The following TLK1 variants were observed in gnomAD, a reference collection of about 807,000 sequenced individuals.
The protein encoded by TLK1 is serine/threonine-protein kinase tousled-like 1.
Under a neutral mutation model 105.3 loss-of-function variants are expected in TLK1, and 24 were observed. The observed-to-expected ratio is 0.23, with a 90% CI of 0.17 to 0.32. The LOEUF (loss-of-function observed/expected upper bound fraction) is 0.32. Among genes scored for constraint, TLK1 ranks in the 10% least tolerant of loss-of-function variants. TLK1 has a pLI of 1.00. For synonymous variants in TLK1, 321 were observed against 310.4 expected (o/e 1.03, Z -0.36); for missense variants, 558 against 910.5 (o/e 0.61, Z 4.98).
intron 2 of TLK1, among the ~76,000 whole-genome samples, chr2:171,098,634 A>G (rs761763390): frequency 1.3e-5 from 2 of 152,198 alleles, no homozygotes; most frequent in African/African-American, 2.4e-5. Context: ...TGGAAAAACA[A>G]TATTACCTGA....
chr2:171,034,816 T>C (rs781516794), intron 11 of TLK1, among the ~76,000 whole-genome samples: 1 of 152,192 alleles, frequency 6.6e-6, no homozygotes, highest in African/African-American at 2.4e-5. Flanking sequence ...TAGTCTTCCT[T>C]TGAAGAGTCC....
chr2:171,125,713 A>G (rs1192197378), intron 1 of TLK1, among the ~76,000 whole-genome samples: 1 of 152,222 alleles, frequency 6.6e-6, no homozygotes, highest in Admixed American at 6.5e-5. Flanking sequence ...CACATGTCAC[A>G]AAGAATTATT....
chr2:171,027,573 C>T (rs1685833599), intron 12 of TLK1, among the ~76,000 whole-genome samples: 1 of 152,182 alleles, frequency 6.6e-6, no homozygotes. Context: ...CGTACATCTT[C>T]TAATCGAAAC....
In TLK1 at chr2:171,215,454, G is replaced by T. The variant is rs1693696484; in HGVS notation, c.-6+15691C>A. 2.6e-5 allele frequency among the ~76,000 whole-genome samples: 4 copies of T among 152,174 alleles called. No individual in the cohort carries two copies. The South Asian group carries it at 8.3e-4, about 32-fold the overall frequency. On this transcript the variant is annotated intron_variant, in intron 1 of 20. Coordinates refer to the TLK1 transcript ENST00000521943. ...ATCAAGTCTGCATTCAGGCTCTGCT[G>T]TGGCTGGAGTTAGGTCACACTAGGC...
At chr2:171,083,663 C>T (rs77283071) in intron 2 of TLK1, among the ~76,000 whole-genome samples, 3 of 152,178 alleles carry the variant, frequency 2.0e-5, no homozygotes, top group Non-Finnish European at 4.4e-5. Flanking sequence ...TTTCACCTCA[C>T]TTGTAACAGG....
chr2:170,998,093 C>CTATCTAT (rs1559331640), intron 18 of TLK1, among the ~76,000 whole-genome samples: 116 of 35,440 alleles, frequency 3.3e-3, no homozygotes, highest in Admixed American at 5.0e-3. Context: ...TATCTATCTA[C>CTATCTAT]CTACCTACCT....
At chr2:171,206,311 T>G (rs1693505494) in intron 1 of TLK1, among the ~76,000 whole-genome samples, 1 of 152,214 alleles carries the variant, frequency 6.6e-6, no homozygotes, top group Non-Finnish European at 1.5e-5. Flanking sequence ...TGCGTTTGTC[T>G]CTATTTGATT....
rs1259293608 is a variant in TLK1, at chr2:171,045,259, C to CAA, written c.1169+914_1169+915insTT. On this transcript the variant is annotated intron_variant, in intron 11 of 20. Transcript: ENST00000431350. ...TTTTTTTTTTTTTTTGAGAAAGTCTCACTCTTGTCCCCCAGGCTAAAGTGC... is the reference window on the plus strand; with the variant it reads ...TTTTTTTTTTTTTTTGAGAAAGTCTCAAACTCTTGTCCCCCAGGCTAAAGTGC... 68 of 140,794 alleles carry CAA rather than the reference C, an allele frequency of 4.8e-4. 1 individual carries two copies. Among genetic ancestry groups the CAA allele is most frequent in the African/African-American group, 1.6e-3 (61 of 37,530 alleles). 8.7% of individuals were successfully genotyped at this position (140,794 alleles called of 1,614,324 possible).
chr2:171,022,094 C>CACAG (rs1553605664), intron 12 of TLK1, among the ~76,000 whole-genome samples: 1 of 149,796 alleles, frequency 6.7e-6, no homozygotes, highest in Non-Finnish European at 1.5e-5. Flanking sequence ...AAAACACACA[C>CACAG]ACACACACAC....
chr2:171,064,652 G>A (rs1687906625), intron 3 of TLK1, among the ~76,000 whole-genome samples: 1 of 152,118 alleles, frequency 6.6e-6, no homozygotes, highest in Non-Finnish European at 1.5e-5. Flanking sequence ...TGGCTTTGAA[G>A]TAAAGATGAA....
intron 1 of TLK1, among the ~76,000 whole-genome samples, chr2:171,208,177 T>C (rs988986250): frequency 1.3e-5 from 2 of 152,204 alleles, no homozygotes; most frequent in African/African-American, 4.8e-5. Flanking sequence ...TGGGAAAGTA[T>C]AGAAATTAGT....
At chr2:171,086,045 T>C (rs990725325) in intron 2 of TLK1, among the ~76,000 whole-genome samples, 12 of 152,218 alleles carry the variant, frequency 7.9e-5, no homozygotes, top group African/African-American at 2.9e-4. Context: ...CTGCTTCGTA[T>C]CTTCGAATTT....
intron 2 of TLK1, among the ~76,000 whole-genome samples, chr2:171,110,455 A>G (rs1020198487): frequency 2.6e-5 from 4 of 152,242 alleles, no homozygotes; most frequent in African/African-American, 9.6e-5. Context: ...GCGACAGAGC[A>G]AGACTGTCTC....
At chr2:171,103,865 A>G (rs1689802333) in intron 2 of TLK1, among the ~76,000 whole-genome samples, 2 of 152,242 alleles carry the variant, frequency 1.3e-5, no homozygotes, top group Non-Finnish European at 2.9e-5. Context: ...TATATAGAAA[A>G]CCCTAAAAGC....
chr2:171,046,914 AAG>A (rs1397450998), intron 10 of TLK1, among the ~76,000 whole-genome samples: 3 of 152,308 alleles, frequency 2.0e-5, no homozygotes, highest in African/African-American at 7.2e-5. Flanking sequence ...ATTTAATGTG[AAG>A]AGAGTTATTT....
At chr2:171,112,565 G>C (rs921238604) in intron 2 of TLK1, among the ~76,000 whole-genome samples, 2 of 151,978 alleles carry the variant, frequency 1.3e-5, no homozygotes, top group Non-Finnish European at 2.9e-5. Context: ...TTTAGAGCAA[G>C]AACAAGACAC....
chr2:171,056,896 G>T (rs1282509208), intron 5 of TLK1, among the ~76,000 whole-genome samples: 1 of 151,774 alleles, frequency 6.6e-6, no homozygotes, highest in African/African-American at 2.4e-5. Context: ...CTTAGCACAG[G>T]TCCCCTACAA....
At chr2:171,055,924 G>A (rs770286900) in intron 6 of TLK1, among the ~76,000 whole-genome samples, 5 of 151,844 alleles carry the variant, frequency 3.3e-5, no homozygotes, top group Admixed American at 6.6e-5. Flanking sequence ...TTCACACAAT[G>A]AAAGTAAATT....
intron 12 of TLK1, among the ~76,000 whole-genome samples, chr2:171,018,936 T>C (rs1245089002): frequency 1.3e-5 from 2 of 152,218 alleles, no homozygotes; most frequent in Non-Finnish European, 1.5e-5. Flanking sequence ...GGCTCTTTTC[T>C]GTTCAAACAA....
Sources: gnomAD v4.1 joint callset for allele counts (sites outside exome capture counted in the v4.1 genomes callset) on GRCh38, gnomAD v4.1.1 for gene constraint, MANE v1.5 for transcripts, NCBI Gene and HGNC (gene_info 2026-07-23, HGNC 2026-07-21) for gene names.